SLC1A2: variants seen among roughly 807,000 people sequenced by gnomAD.
SLC1A2 encodes solute carrier family 1 member 2.
A neutral mutation model predicts 48.8 loss-of-function variants in SLC1A2; 15 were observed. That is an observed-to-expected ratio of 0.31 (90% CI 0.21 to 0.47). SLC1A2 has a LOEUF of 0.47. Ranked by LOEUF, SLC1A2 falls within the 20% of genes least tolerant of loss-of-function variation. The pLI is 0.99. For synonymous variants in SLC1A2, 279 were observed against 272.6 expected (o/e 1.02, Z -0.23); for missense variants, 502 against 730.5 (o/e 0.69, Z 3.61).
chr11:35,398,242 T>C (rs1855031044), intron 1 of SLC1A2, among the ~76,000 whole-genome samples: 2 of 152,100 alleles, frequency 1.3e-5, no homozygotes, highest in Admixed American at 1.3e-4. Flanking sequence ...AAAAATATGA[T>C]CTGACATGGA....
rs190652308 is a variant in SLC1A2 at position 35,338,123 on chromosome 11, A to G, written c.18-20607T>C. On this transcript the variant is annotated intron_variant, in intron 1 of 10. Transcript: ENST00000278379. Reference sequence around the variant, plus strand: ...CAGCCATGGGCCAAATCCAGTCAACAGCCCATTTTTATAAACAAGGTTTTA... The same window carrying G: ...CAGCCATGGGCCAAATCCAGTCAACGGCCCATTTTTATAAACAAGGTTTTA... 2.6e-5 allele frequency among the ~76,000 whole-genome samples: 4 copies of G among 152,308 alleles called. No individual in the cohort carries two copies. In the East Asian group the frequency reaches 5.8e-4, roughly 22 times the overall value.
At chr11:35,318,772 A>G (rs1306100965) in intron 1 of SLC1A2, among the ~76,000 whole-genome samples, 1 of 152,210 alleles carries the variant, frequency 6.6e-6, no homozygotes, top group Non-Finnish European at 1.5e-5. Flanking sequence ...CAGTGCACAC[A>G]AAGAAGAGAC....
chr11:35,309,550 A>G (rs528783854), intron 4 of SLC1A2, among the ~76,000 whole-genome samples: 1 of 152,290 alleles, frequency 6.6e-6, no homozygotes, highest in African/African-American at 2.4e-5. Flanking sequence ...CAGGGACTTA[A>G]CTTGGGCAAA....
At chr11:35,351,763 G>A (rs1853262954) in intron 1 of SLC1A2, among the ~76,000 whole-genome samples, 1 of 152,092 alleles carries the variant, frequency 6.6e-6, no homozygotes, top group Non-Finnish European at 1.5e-5. Flanking sequence ...AATCTCCTGA[G>A]TAGCTGGGAC....
intron 4 of SLC1A2, among the ~76,000 whole-genome samples, chr11:35,307,907 C>T (rs972166181): frequency 1.3e-5 from 2 of 152,148 alleles, no homozygotes; most frequent in African/African-American, 4.8e-5. Context: ...AGCCTAGGGC[C>T]TGCTGTGTGA....
intron 9 of SLC1A2, among the ~76,000 whole-genome samples, chr11:35,275,937 C>G (rs1187883714): frequency 6.6e-6 from 1 of 152,170 alleles, no homozygotes; most frequent in African/African-American, 2.4e-5. Flanking sequence ...GTTTCCAGAA[C>G]TCCTCTTGCT....
At chr11:35,336,672 C>G (rs1032304126) in intron 1 of SLC1A2, among the ~76,000 whole-genome samples, 1 of 152,182 alleles carries the variant, frequency 6.6e-6, no homozygotes, top group Non-Finnish European at 1.5e-5. Flanking sequence ...AATCACATAG[C>G]TAAACCTACA....
chr11:35,269,877 A>G (rs529114108), intron 9 of SLC1A2, among the ~76,000 whole-genome samples: 258 of 152,302 alleles, frequency 1.7e-3, no homozygotes, highest in African/African-American at 5.8e-3. Context: ...TGGGAGGCTG[A>G]GGTGGGTGGA....
At chr11:35,327,503 T>G (rs1852286188) in intron 1 of SLC1A2, among the ~76,000 whole-genome samples, 2 of 152,200 alleles carry the variant, frequency 1.3e-5, no homozygotes, top group Non-Finnish European at 2.9e-5. Context: ...AGAAGAAGTT[T>G]GTGGCCTTCA....
intron 8 of SLC1A2, among the ~76,000 whole-genome samples, chr11:35,282,294 C>T (rs1215306986): frequency 6.6e-6 from 1 of 152,094 alleles, no homozygotes; most frequent in African/African-American, 2.4e-5. Context: ...AGTGCTCAGC[C>T]GTGAAAGTTC....
chr11:35,415,260 A>G (rs531836315), intron 1 of SLC1A2, among the ~76,000 whole-genome samples: 80 of 152,344 alleles, frequency 5.3e-4, no homozygotes, highest in African/African-American at 1.9e-3. Context: ...ATTGATACTG[A>G]TGAACAGATT....
intron 9 of SLC1A2, among the ~76,000 whole-genome samples, chr11:35,277,922 C>A (rs1018520308): frequency 6.6e-6 from 1 of 152,226 alleles, no homozygotes; most frequent in African/African-American, 2.4e-5. Flanking sequence ...CTACCCCATT[C>A]CTTTGTATCC....
intron 4 of SLC1A2, chr11:35,307,156 C>T (rs1020537316): frequency 6.6e-6 from 1 of 152,214 alleles, no homozygotes; most frequent in African/African-American, 2.4e-5. Context: ...CCTGTTTTCC[C>T]CTCTACCTGG....
intron 3 of SLC1A2, 33 bp downstream of exon 3, chr11:35,314,990 C>T (rs748074333): frequency 1.7e-5 from 26 of 1,551,730 alleles, no homozygotes; most frequent in Non-Finnish European, 2.3e-5. Flanking sequence ...GAGTATGACC[C>T]ATGTTAGCCA....
At chr11:35,366,201 A>G (rs191932303) in intron 1 of SLC1A2, among the ~76,000 whole-genome samples, 2 of 152,288 alleles carry the variant, frequency 1.3e-5, no homozygotes, top group East Asian at 1.9e-4. Flanking sequence ...ACACTTCTCT[A>G]TCCCTGAAGA....
At chr11:35,333,419 G>GGA (rs557374791) in intron 1 of SLC1A2, among the ~76,000 whole-genome samples, 17 of 132,956 alleles carry the variant, frequency 1.3e-4, no homozygotes, top group African/African-American at 4.6e-4. Context: ...TCTGCCTCAG[G>GGA]AAAAAAAAAA....
intron 1 of SLC1A2, among the ~76,000 whole-genome samples, chr11:35,332,376 G>C (rs766134401): frequency 6.6e-6 from 1 of 152,150 alleles, no homozygotes; most frequent in African/African-American, 2.4e-5. Flanking sequence ...TGCTCAACTC[G>C]TAAAGTCTCA....
intron 4 of SLC1A2, among the ~76,000 whole-genome samples, chr11:35,309,514 T>C (rs1266449841): frequency 6.6e-6 from 1 of 152,180 alleles, no homozygotes; most frequent in East Asian, 1.9e-4. Context: ...GAAAGCAAGC[T>C]GGAGACCTCT....
At chr11:35,304,450 G>A (rs777978656) in intron 5 of SLC1A2, among the ~76,000 whole-genome samples, 6 of 152,182 alleles carry the variant, frequency 3.9e-5, no homozygotes, top group Non-Finnish European at 7.3e-5. Flanking sequence ...AGGGAGAAGA[G>A]CTGCTCGGTG....
Sources: allele counts gnomAD v4.1 joint callset (sites outside exome capture counted in the v4.1 genomes callset), GRCh38; gene constraint gnomAD v4.1.1; transcripts MANE v1.5; gene names NCBI Gene and HGNC (gene_info 2026-07-23, HGNC 2026-07-21).